The following ASCC3 variants were observed in gnomAD, a reference collection of about 807,000 sequenced individuals.
The protein encoded by ASCC3 is ASC-1 complex subunit P200.
In ASCC3, 158 loss-of-function variants were observed where a neutral mutation model predicts 256.3. The observed-to-expected ratio is 0.62, with a 90% CI of 0.54 to 0.70. ASCC3 has a LOEUF of 0.70. ASCC3 is among the 30% of genes least tolerant of loss of function. ASCC3 has a pLI of 0.00. For missense variants in ASCC3, 2,259 were observed against 2,626.0 expected (o/e 0.86, Z 3.05); for synonymous variants, 948 against 883.4 (o/e 1.07, Z -1.30).
chr6:100,869,698 A>T (rs1773642536), intron 1 of ASCC3, among the ~76,000 whole-genome samples: 1 of 152,160 alleles, frequency 6.6e-6, no homozygotes, highest in Non-Finnish European at 1.5e-5. Context: ...AATAAATACA[A>T]ATTAAACTTA....
chr6:100,867,171 G>A (rs772723714), intron 2 of ASCC3, among the ~76,000 whole-genome samples: 8 of 152,136 alleles, frequency 5.3e-5, no homozygotes, highest in Non-Finnish European at 8.8e-5. Flanking sequence ...CTTCCAAAGT[G>A]ATAATTGCCC....
chr6:100,591,721 A>G (rs1772006831), intron 34 of ASCC3, among the ~76,000 whole-genome samples: 1 of 152,034 alleles, frequency 6.6e-6, no homozygotes, highest in African/African-American at 2.4e-5. Context: ...TTACTGTGAA[A>G]TACAAAAAAA....
chr6:100,872,961 T>C (rs1384268149), intron 1 of ASCC3, among the ~76,000 whole-genome samples: 1 of 152,002 alleles, frequency 6.6e-6, no homozygotes, highest in Non-Finnish European at 1.5e-5. Context: ...ACACTGGTAA[T>C]ATGACAAAAC....
chr6:100,531,750 T>C (rs138213710), intron 37 of ASCC3, among the ~76,000 whole-genome samples: 2,208 of 152,262 alleles, frequency 0.015, 44 homozygotes, highest in African/African-American at 0.051. Context: ...TGCGCTTACC[T>C]TACCCATGTT....
chr6:100,867,580 T>C (rs1439536430), intron 2 of ASCC3, among the ~76,000 whole-genome samples: 1 of 151,998 alleles, frequency 6.6e-6, no homozygotes, highest in Admixed American at 6.6e-5. Flanking sequence ...CAGAGACCAC[T>C]GGTAAAAAAA....
chr6:100,722,704 T>C (rs372460371), intron 11 of ASCC3, among the ~76,000 whole-genome samples: 4 of 151,802 alleles, frequency 2.6e-5, no homozygotes, highest in African/African-American at 9.7e-5. Context: ...ACAAATGGGA[T>C]TGTGCTACAC....
chr6:100,766,640 T>C lies in ASCC3; in HGVS notation c.1662A>G (p.Leu554=), dbSNP rs186881928. The part of the protein sequence containing the change: ...AEMTDYFSRR[L]EPLGIIVKEL... Reference sequence around the variant, plus strand: ...CTTTCACAATGATGCCTAGTGGCTCTAGACGTCTGCTGAAGTAATCTGTCA... The same window carrying C: ...CTTTCACAATGATGCCTAGTGGCTCCAGACGTCTGCTGAAGTAATCTGTCA... The change falls in exon 10 of 42, where the codon CTA becomes CTG. Residue 554 remains leucine (L), a synonymous_variant. Coordinates refer to ENST00000369162, the MANE Select transcript of ASCC3 (RefSeq NM_006828.4). 3.1e-6 allele frequency: 5 copies of C among 1,614,088 alleles called. No homozygotes were observed. In the African/African-American group the frequency reaches 5.3e-5, roughly 17 times the overall value.
intron 36 of ASCC3, among the ~76,000 whole-genome samples, chr6:100,553,445 T>C (rs181634062): frequency 8.9e-4 from 135 of 152,190 alleles, no homozygotes; most frequent in Middle Eastern, 3.4e-3. Flanking sequence ...TTTATGCAAC[T>C]GGGATTGAAG....
intron 4 of ASCC3, among the ~76,000 whole-genome samples, chr6:100,818,445 T>C (rs1310584158): frequency 6.6e-6 from 1 of 151,566 alleles, no homozygotes; most frequent in Admixed American, 6.6e-5. Context: ...CAGGCACCTC[T>C]AATCCCAGCT....
intron 14 of ASCC3, among the ~76,000 whole-genome samples, chr6:100,669,178 TTAA>T (rs1164206771): frequency 2.7e-5 from 4 of 150,326 alleles, no homozygotes; most frequent in East Asian, 1.9e-4. Flanking sequence ...TTTCTTTTCC[TTAA>T]TATTATGTAA....
intron 4 of ASCC3, among the ~76,000 whole-genome samples, chr6:100,847,637 T>C (rs1772447745): frequency 6.6e-6 from 1 of 152,180 alleles, no homozygotes. Flanking sequence ...ATTTTGCATA[T>C]ATCACATTCA....
intron 37 of ASCC3, among the ~76,000 whole-genome samples, chr6:100,521,146 C>A (rs1298401680): frequency 6.6e-6 from 1 of 152,038 alleles, no homozygotes; most frequent in African/African-American, 2.4e-5. Context: ...GAGAAAAAAA[C>A]AAGTTTTAAT....
At chr6:100,823,169 C>T (rs1294446530) in intron 4 of ASCC3, among the ~76,000 whole-genome samples, 1 of 152,158 alleles carries the variant, frequency 6.6e-6, no homozygotes, top group African/African-American at 2.4e-5. Context: ...AATTATGCTT[C>T]CCATAACATT....
intron 1 of ASCC3, among the ~76,000 whole-genome samples, chr6:100,875,719 G>T (rs1390724719): frequency 2.5e-5 from 3 of 121,040 alleles, no homozygotes; most frequent in South Asian, 5.0e-4. Context: ...CAACAGAAAA[G>T]AAAGTTTCAA....
chr6:100,629,216 T>C (rs1774412336), intron 26 of ASCC3, 35 bp from the exon 27 acceptor site: 2 of 1,600,390 alleles, frequency 1.2e-6, no homozygotes, highest in East Asian at 2.2e-5. Flanking sequence ...CCAGAAACTT[T>C]TCAGGTAACA....
chr6:100,849,065 C>T (rs940931089), intron 3 of ASCC3, among the ~76,000 whole-genome samples: 4 of 152,078 alleles, frequency 2.6e-5, no homozygotes, highest in Non-Finnish European at 5.9e-5. Context: ...ATGATTGTGT[C>T]ACTGTACTCA....
chr6:100,636,330 T>C (rs1562186402), intron 25 of ASCC3, among the ~76,000 whole-genome samples: 2 of 152,182 alleles, frequency 1.3e-5, no homozygotes, highest in Admixed American at 6.6e-5. Context: ...TATGTTATCA[T>C]TGTAATTGTT....
intron 12 of ASCC3, 137 bp from the exon 13 acceptor site, chr6:100,715,670 AAACATAT>A (rs987344272): frequency 6.4e-5 from 42 of 657,350 alleles, no homozygotes; most frequent in African/African-American, 4.6e-4. Context: ...AATACCTCAT[AAACATAT>A]AACATATAAC....
chr6:100,575,800 T>C (rs1562130446), intron 36 of ASCC3, among the ~76,000 whole-genome samples: 1 of 152,082 alleles, frequency 6.6e-6, no homozygotes, highest in Admixed American at 6.6e-5. Context: ...TATAGCAGCA[T>C]ATTCTAAAAA....
Sources: allele counts gnomAD v4.1 joint callset (sites outside exome capture counted in the v4.1 genomes callset), GRCh38; gene constraint gnomAD v4.1.1; transcripts MANE v1.5; gene names NCBI Gene and HGNC (gene_info 2026-07-23, HGNC 2026-07-21).